PLXNC1: variants seen among roughly 807,000 people sequenced by gnomAD.
PLXNC1 encodes plexin-C1.
A neutral mutation model predicts 178.2 loss-of-function variants in PLXNC1; 75 were observed. That is an observed-to-expected ratio of 0.42 (90% CI 0.35 to 0.51). PLXNC1 has a LOEUF of 0.51. Ranked by LOEUF, PLXNC1 falls within the 20% of genes least tolerant of loss-of-function variation. PLXNC1 has a pLI of 0.02. For missense variants in PLXNC1, 1,503 were observed against 1,984.4 expected (o/e 0.76, Z 4.61); for synonymous variants, 790 against 779.9 (o/e 1.01, Z -0.22).
At chr12:94,293,200 G>A (rs937952315) in intron 23 of PLXNC1, among the ~76,000 whole-genome samples, 5 of 152,130 alleles carry the variant, frequency 3.3e-5, no homozygotes, top group African/African-American at 1.2e-4. Flanking sequence ...ATAAACTGTT[G>A]TATAAATATG....
chr12:94,238,979 G>A (rs1022026529), intron 10 of PLXNC1, among the ~76,000 whole-genome samples: 3 of 152,156 alleles, frequency 2.0e-5, no homozygotes, highest in Admixed American at 1.3e-4. Flanking sequence ...TTTATGTAGC[G>A]AAATCTGTGA....
At chr12:94,155,002 A>G (rs1207856502) in intron 1 of PLXNC1, among the ~76,000 whole-genome samples, 1 of 152,180 alleles carries the variant, frequency 6.6e-6, no homozygotes, top group Non-Finnish European at 1.5e-5. Context: ...TGGTCACCTC[A>G]TACTCCCTTA....
At chr12:94,207,378 C>G (rs115302571) in intron 4 of PLXNC1, among the ~76,000 whole-genome samples, 2 of 151,722 alleles carry the variant, frequency 1.3e-5, no homozygotes, top group East Asian at 1.9e-4. Context: ...GAAACCTCAC[C>G]CCCAATTTGT....
rs1480169710 is a variant in PLXNC1, at chr12:94,294,525, G to A, written c.3919G>A (p.Ala1307Thr). Residue 1307 changes from alanine (A) to threonine (T), a missense_variant, in exon 24 of 31, where the codon GCA becomes ACA. This residue lies in a region of PLXNC1 where 639 missense variants were observed against 979.7 expected (regional missense o/e 0.65). Coordinates refer to ENST00000258526, the MANE Select transcript of PLXNC1 (RefSeq NM_005761.3). ...CACTATAAAAGTCTTTAAGAAGATA[G>A]CAAATTTTACTTCAGGTAACCAATA... ...GSTIKVFKKI[A>T]NFTSDVEYSD... 7.7e-7 allele frequency: 1 copy of A among 1,302,734 alleles called. No homozygotes were observed. The highest frequency in any genetic ancestry group is 1.7e-5 in the Admixed American group (1 of 57,526). 80.7% of individuals were successfully genotyped at this position (1,302,734 alleles called of 1,614,324 possible).
At chr12:94,151,852 G>A (rs933478235) in intron 1 of PLXNC1, among the ~76,000 whole-genome samples, 3 of 152,162 alleles carry the variant, frequency 2.0e-5, no homozygotes, top group Admixed American at 1.3e-4. Flanking sequence ...CAAAATCCAC[G>A]TTTTGGCTCA....
intron 2 of PLXNC1, among the ~76,000 whole-genome samples, chr12:94,172,178 C>T (rs764438439): frequency 2.6e-5 from 4 of 152,084 alleles, no homozygotes; most frequent in African/African-American, 4.8e-5. Context: ...AACTAATGAG[C>T]GGCAAAAAAC....
At chr12:94,233,219 G>T (rs964034242) in intron 9 of PLXNC1, among the ~76,000 whole-genome samples, 5 of 152,204 alleles carry the variant, frequency 3.3e-5, no homozygotes, top group African/African-American at 1.2e-4. Context: ...TCTGCTCCAA[G>T]ACAGGGAGAG....
intron 9 of PLXNC1, among the ~76,000 whole-genome samples, chr12:94,229,913 A>C (rs966776207): frequency 6.6e-6 from 1 of 152,258 alleles, no homozygotes; most frequent in Non-Finnish European, 1.5e-5. Context: ...GTAGATTCAC[A>C]TGTACTTGTG....
chr12:94,261,730 TC>T (rs1392176327), intron 20 of PLXNC1, among the ~76,000 whole-genome samples: 1 of 152,226 alleles, frequency 6.6e-6, no homozygotes, highest in Non-Finnish European at 1.5e-5. Context: ...AGTTCCGAAA[TC>T]TAATTAAACT....
intron 21 of PLXNC1, 100 bp from the exon 22 acceptor site, chr12:94,279,372 A>G (rs755989510): frequency 6.7e-5 from 59 of 881,346 alleles, no homozygotes; most frequent in Middle Eastern, 2.3e-4. Context: ...ATGTGCTGTC[A>G]GAGGTATTAG....
At chr12:94,276,038 T>C (rs549949602) in intron 21 of PLXNC1, among the ~76,000 whole-genome samples, 4 of 152,340 alleles carry the variant, frequency 2.6e-5, no homozygotes, top group South Asian at 4.1e-4. Context: ...CAGATTTACA[T>C]TATTTTACAT....
chr12:94,297,837 T>C (rs929679642), intron 26 of PLXNC1, among the ~76,000 whole-genome samples: 1 of 152,208 alleles, frequency 6.6e-6, no homozygotes, highest in African/African-American at 2.4e-5. Context: ...AATCTTAATT[T>C]TTGTTTTTCA....
chr12:94,218,729 A>C (rs1163802149), intron 5 of PLXNC1, among the ~76,000 whole-genome samples: 1 of 152,174 alleles, frequency 6.6e-6, no homozygotes, highest in Non-Finnish European at 1.5e-5. Context: ...ACAGGCACAC[A>C]GATGTATCCC....
At chr12:94,296,264 G>A (rs963210875) in intron 24 of PLXNC1, among the ~76,000 whole-genome samples, 1 of 152,124 alleles carries the variant, frequency 6.6e-6, no homozygotes, top group African/African-American at 2.4e-5. Context: ...GGGCTCAAAT[G>A]ATCCTCCCAC....
chr12:94,240,440 TAA>T, intron 10 of PLXNC1, 43 bp from the exon 11 acceptor site: 1 of 1,461,720 alleles, frequency 6.8e-7, no homozygotes, highest in Non-Finnish European at 9.5e-7. Context: ...TCAACTGTGC[TAA>T]GTGTCTGTGT....
chr12:94,243,904 A>G, intron 11 of PLXNC1, 34 bp from the exon 12 acceptor site: 4 of 1,124,662 alleles, frequency 3.6e-6, no homozygotes, highest in Non-Finnish European at 5.3e-6. Context: ...TGTGTTAGCT[A>G]TGAAACCCTT....
chr12:94,195,210 C>T (rs1334228425), intron 4 of PLXNC1, among the ~76,000 whole-genome samples: 3 of 152,098 alleles, frequency 2.0e-5, no homozygotes, highest in East Asian at 1.9e-4. Flanking sequence ...AAGATTATCC[C>T]ACTGGCAGTG....
chr12:94,268,509 T>C (rs1965375996), intron 21 of PLXNC1, among the ~76,000 whole-genome samples: 1 of 150,166 alleles, frequency 6.7e-6, no homozygotes, highest in African/African-American at 2.5e-5. Context: ...GCACCAGGGG[T>C]AGGGCTGTGC....
intron 5 of PLXNC1, among the ~76,000 whole-genome samples, chr12:94,210,876 T>C (rs1197893891): frequency 6.6e-6 from 1 of 152,232 alleles, no homozygotes; most frequent in Non-Finnish European, 1.5e-5. Context: ...CAAATTCTAA[T>C]TTCTCTCATC....
Sources: allele counts gnomAD v4.1 joint callset (sites outside exome capture counted in the v4.1 genomes callset), GRCh38; gene constraint gnomAD v4.1.1; regional missense constraint gnomAD v4.1.1; transcripts MANE v1.5; gene names NCBI Gene and HGNC (gene_info 2026-07-23, HGNC 2026-07-21).